JAZF1: variants seen among roughly 807,000 people sequenced by gnomAD.
JAZF1 encodes juxtaposed with another zinc finger protein 1.
In JAZF1, 8 loss-of-function variants were observed where a neutral mutation model predicts 26.4. The ratio of observed to expected loss-of-function variants is 0.30; its 90% CI spans 0.18 to 0.55. JAZF1 has a LOEUF of 0.55. Ranked by LOEUF, JAZF1 falls within the 20% of genes least tolerant of loss-of-function variation. The pLI is 0.94. For missense variants in JAZF1, 199 were observed against 322.0 expected (o/e 0.62, Z 2.92); for synonymous variants, 126 against 122.3 (o/e 1.03, Z -0.20).
At chr7:28,045,005 C>T (rs574536003) in intron 1 of JAZF1, among the ~76,000 whole-genome samples, 2 of 152,140 alleles carry the variant, frequency 1.3e-5, no homozygotes, top group Admixed American at 6.5e-5. Flanking sequence ...CCAGGGGTCA[C>T]CATCCTCTTA....
chr7:27,948,520 AAG>A (rs1268951519), intron 2 of JAZF1, among the ~76,000 whole-genome samples: 1 of 152,278 alleles, frequency 6.6e-6, no homozygotes, highest in African/African-American at 2.4e-5. Context: ...AAAACCTTGT[AAG>A]AGTCTGTAAT....
chr7:28,009,912 T>C (rs563707998), intron 1 of JAZF1, among the ~76,000 whole-genome samples: 1 of 152,254 alleles, frequency 6.6e-6, no homozygotes, highest in South Asian at 2.1e-4. Context: ...AATAATGTCA[T>C]GTGTTAAGTC....
At chr7:27,954,978 G>A (rs773541171) in intron 2 of JAZF1, among the ~76,000 whole-genome samples, 11 of 152,112 alleles carry the variant, frequency 7.2e-5, no homozygotes, top group African/African-American at 1.2e-4. Flanking sequence ...AGCTGGTCTC[G>A]TACTCCCGAC....
At chr7:27,949,608 C>T (rs1476788053) in intron 2 of JAZF1, among the ~76,000 whole-genome samples, 1 of 152,062 alleles carries the variant, frequency 6.6e-6, no homozygotes, top group Non-Finnish European at 1.5e-5. Flanking sequence ...ACTAAAAATA[C>T]AAAAATTAGC....
intron 1 of JAZF1, among the ~76,000 whole-genome samples, chr7:28,179,309 G>A (rs533973833): frequency 3.3e-5 from 5 of 152,130 alleles, no homozygotes; most frequent in African/African-American, 1.2e-4. Flanking sequence ...CCTTAGCAGG[G>A]GTTCCGAATA....
intron 1 of JAZF1, among the ~76,000 whole-genome samples, chr7:28,025,129 G>T (rs139298108): frequency 6.6e-6 from 1 of 152,146 alleles, no homozygotes; most frequent in Non-Finnish European, 1.5e-5. Context: ...AACAATGTCC[G>T]TTGAGTGTCC....
intron 2 of JAZF1, among the ~76,000 whole-genome samples, chr7:27,924,165 G>A (rs1220848930): frequency 6.6e-6 from 1 of 152,130 alleles, no homozygotes; most frequent in Non-Finnish European, 1.5e-5. Context: ...TACAAACTCT[G>A]TCTCCCTTGT....
At chr7:28,154,632 T>C (rs1783153361) in intron 1 of JAZF1, among the ~76,000 whole-genome samples, 1 of 152,086 alleles carries the variant, frequency 6.6e-6, no homozygotes, top group African/African-American at 2.4e-5. Context: ...GGATCCTTTA[T>C]TTTTCTGCTT....
chr7:28,077,366 A>G (rs1226200269), intron 1 of JAZF1, among the ~76,000 whole-genome samples: 1 of 152,156 alleles, frequency 6.6e-6, no homozygotes, highest in Non-Finnish European at 1.5e-5. Context: ...CCAGACTATA[A>G]AGGCTTTAAT....
At position 27,994,448 on chromosome 7, in the gene JAZF1, A is replaced by AC. The variant is rs986187643; in HGVS notation, c.116-2468_116-2467insG. ...ACACCACCCTCTCCATCACAAAAAA[A>AC]AAAAAACAAAAAACAAAAAAAAACA... On this transcript the variant is annotated intron_variant, in intron 1 of 4. Transcript: ENST00000283928. Among the ~76,000 whole-genome samples the AC allele has an allele frequency of 8.9e-4, 104 of 116,904 alleles. 1 individual carries two copies. The highest frequency in any genetic ancestry group is 3.9e-3 in the Middle Eastern group (1 of 258). The allele number at this position is 116,904 out of a possible 152,430, so 76.7% of individuals were successfully genotyped here. A position where few individuals can be genotyped will look rare whatever the true frequency, so the allele number is the denominator to read the frequency against.
At chr7:27,986,838 G>A (rs1785724372) in intron 2 of JAZF1, among the ~76,000 whole-genome samples, 2 of 152,112 alleles carry the variant, frequency 1.3e-5, no homozygotes, top group African/African-American at 4.8e-5. Flanking sequence ...GTATTTTTTG[G>A]TGGAGACGGG....
At chr7:27,990,430 TAA>T (rs61518395) in intron 2 of JAZF1, among the ~76,000 whole-genome samples, 2 of 113,506 alleles carry the variant, frequency 1.8e-5, no homozygotes, top group East Asian at 2.0e-4. Context: ...ACTTAAAGTA[TAA>T]AAAAAAAAAA....
In JAZF1 at chr7:27,903,733, T is replaced by C. The variant is rs185545060; in HGVS notation, c.189-8317A>G. On this transcript the variant is annotated intron_variant, in intron 2 of 4. Transcript: ENST00000283928. ...AGGCAACAGGAGACCCTCCATGCCA[T>C]GAGCTGCTGGACTGACATCCTTCCA... Among the ~76,000 whole-genome samples, 7 of 152,334 alleles carry C rather than the reference T, an allele frequency of 4.6e-5. No homozygotes were observed. The East Asian group carries it at 1.4e-3, about 29-fold the overall frequency.
intron 2 of JAZF1, among the ~76,000 whole-genome samples, chr7:27,960,536 G>A (rs1009054539): frequency 6.6e-6 from 1 of 152,230 alleles, no homozygotes; most frequent in African/African-American, 2.4e-5. Context: ...GCACAACAGG[G>A]TATTCTGTAG....
At chr7:28,012,404 T>G (rs1457559194) in intron 1 of JAZF1, among the ~76,000 whole-genome samples, 1 of 152,168 alleles carries the variant, frequency 6.6e-6, no homozygotes, top group Non-Finnish European at 1.5e-5. Context: ...GAGGGACTCA[T>G]GAAGAAGAAA....
chr7:27,966,064 T>C (rs56225064), intron 2 of JAZF1, among the ~76,000 whole-genome samples: 3,839 of 152,296 alleles, frequency 0.025, 163 homozygotes, highest in African/African-American at 0.088. Context: ...AATATGGTAA[T>C]GTAATTAGAA....
chr7:28,156,971 T>C (rs1384080233), intron 1 of JAZF1, among the ~76,000 whole-genome samples: 1 of 152,234 alleles, frequency 6.6e-6, no homozygotes. Flanking sequence ...ATACTACGTA[T>C]AAATAAAGAC....
At chr7:28,165,850 T>C (rs147219106) in intron 1 of JAZF1, among the ~76,000 whole-genome samples, 24 of 152,342 alleles carry the variant, frequency 1.6e-4, no homozygotes, top group African/African-American at 4.6e-4. Context: ...GTATTGTGTT[T>C]TGTCTGCTTC....
intron 3 of JAZF1, among the ~76,000 whole-genome samples, chr7:27,879,825 C>A (rs536677970): frequency 6.6e-6 from 1 of 152,240 alleles, no homozygotes; most frequent in East Asian, 1.9e-4. Flanking sequence ...TAAATTCAGA[C>A]CACTCAGAAC....
Sources: allele counts gnomAD v4.1 joint callset (sites outside exome capture counted in the v4.1 genomes callset), GRCh38; gene constraint gnomAD v4.1.1; transcripts MANE v1.5; gene names NCBI Gene and HGNC (gene_info 2026-07-23, HGNC 2026-07-21).